Variants in MBNL2 observed in about 807,000 individuals in gnomAD.
MBNL2 encodes the protein muscleblind like splicing regulator 2, also known as muscleblind-like protein 2.
In MBNL2, 17 loss-of-function variants were observed where a neutral mutation model predicts 41.9. That is an observed-to-expected ratio of 0.41 (90% CI 0.28 to 0.61). MBNL2 has a LOEUF of 0.61. MBNL2 is among the 20% of genes least tolerant of loss of function. The probability of loss-of-function intolerance (pLI) is 0.35; values close to 1 mark genes in which losing one functional copy is unlikely to be tolerated. For missense variants in MBNL2, 336 were observed against 505.6 expected (o/e 0.66, Z 3.22); for synonymous variants, 195 against 182.9 (o/e 1.07, Z -0.53).
chr13:97,301,254 G>A (rs901587194), intron 2 of MBNL2, among the ~76,000 whole-genome samples: 1 of 152,156 alleles, frequency 6.6e-6, no homozygotes, highest in African/African-American at 2.4e-5. Context: ...CATTTTGCCT[G>A]CGTTACTCCA....
intron 3 of MBNL2, among the ~76,000 whole-genome samples, chr13:97,338,187 C>T (rs1025775879): frequency 6.6e-6 from 1 of 152,154 alleles, no homozygotes; most frequent in Non-Finnish European, 1.5e-5. Flanking sequence ...CTGGTCACGA[C>T]CCTGCCTACA....
chr13:97,293,897 A>G (rs867219013), intron 2 of MBNL2, among the ~76,000 whole-genome samples: 3 of 152,028 alleles, frequency 2.0e-5, no homozygotes, highest in Non-Finnish European at 2.9e-5. Context: ...TGGTGCACCC[A>G]TCACCCGAGC....
chr13:97,185,413 C>T, the MBNL2 span, among the ~76,000 whole-genome samples: 1 of 152,198 alleles, frequency 6.6e-6, no homozygotes, highest in Non-Finnish European at 1.5e-5. Context: ...CATCCCAATT[C>T]CTGGAACCTG....
At chr13:97,219,134 T>G (rs2040654613), upstream of MBNL2, among the ~76,000 whole-genome samples, 2 of 152,160 alleles carry the variant, frequency 1.3e-5, no homozygotes, top group Admixed American at 6.5e-5. Context: ...ACCCAAGAAC[T>G]ATGGAGATGG....
chr13:97,319,884 A>T (rs973665079), intron 2 of MBNL2, among the ~76,000 whole-genome samples: 7 of 152,200 alleles, frequency 4.6e-5, no homozygotes. Flanking sequence ...GATGGCATTT[A>T]AGCTGACTAG....
chr13:97,339,276 G>T (rs1442199928), intron 3 of MBNL2, among the ~76,000 whole-genome samples: 1 of 152,214 alleles, frequency 6.6e-6, no homozygotes, highest in African/African-American at 2.4e-5. Flanking sequence ...TTGTGTGTGT[G>T]AGTGTGTGTG....
At chr13:97,271,216 A>T (rs1457073311) in intron 1 of MBNL2, among the ~76,000 whole-genome samples, 5 of 151,074 alleles carry the variant, frequency 3.3e-5, no homozygotes, top group African/African-American at 1.2e-4. Context: ...CCTAGGTTCA[A>T]GCAATTCTCA....
chr13:97,251,127 G>T (rs188297044), intron 1 of MBNL2, among the ~76,000 whole-genome samples: 16 of 150,994 alleles, frequency 1.1e-4, no homozygotes, highest in Non-Finnish European at 2.1e-4. Context: ...AAGGCATGTG[G>T]CTGAGGGAAT....
the MBNL2 span, among the ~76,000 whole-genome samples, chr13:97,153,527 C>T: frequency 6.6e-6 from 1 of 152,012 alleles, no homozygotes; most frequent in African/African-American, 2.4e-5. Context: ...AAATGAACCT[C>T]GTAGAACAAT....
chr13:97,158,460 C>G, the MBNL2 span, among the ~76,000 whole-genome samples: 1 of 151,994 alleles, frequency 6.6e-6, no homozygotes, highest in Non-Finnish European at 1.5e-5. Flanking sequence ...TTTGCTCTTG[C>G]TTTTGTAGTT....
At chr13:97,197,952 C>T in the MBNL2 span, among the ~76,000 whole-genome samples, 1 of 152,104 alleles carries the variant, frequency 6.6e-6, no homozygotes, top group African/African-American at 2.4e-5. Context: ...AGACTCTTGC[C>T]AGATCTTTCT....
chr13:97,364,557 A>G (rs1230878483), intron 7 of MBNL2, among the ~76,000 whole-genome samples: 1 of 152,206 alleles, frequency 6.6e-6, no homozygotes, highest in Non-Finnish European at 1.5e-5. Context: ...TGATTTGGAG[A>G]ATATCTTAAA....
chr13:97,162,298 A>G, the MBNL2 span, among the ~76,000 whole-genome samples: 1 of 152,114 alleles, frequency 6.6e-6, no homozygotes, highest in Non-Finnish European at 1.5e-5. Context: ...TCCAACTAAG[A>G]TCTACATCAA....
intron 1 of MBNL2, among the ~76,000 whole-genome samples, chr13:97,254,993 G>T (rs987761186): frequency 6.6e-6 from 1 of 152,140 alleles, no homozygotes; most frequent in African/African-American, 2.4e-5. Flanking sequence ...CTCCAACAAG[G>T]GTGAGTGATT....
the MBNL2 span, among the ~76,000 whole-genome samples, chr13:97,164,891 A>G: frequency 6.6e-6 from 1 of 152,188 alleles, no homozygotes; most frequent in Admixed American, 6.5e-5. Context: ...AGCAGTTCTC[A>G]TTAAGTTTCC....
chr13:97,332,953 A>G (rs560501060), intron 2 of MBNL2, among the ~76,000 whole-genome samples: 2 of 152,328 alleles, frequency 1.3e-5, no homozygotes, highest in South Asian at 2.1e-4. Flanking sequence ...GACTGAACAC[A>G]GGGCCCATGT....
Position 97,347,003 on chromosome 13 carries a change from C to G in MBNL2, c.740C>G (p.Ala247Gly). 6.2e-7 allele frequency: 1 copy of G among 1,613,502 alleles called. No homozygotes were observed. The highest frequency in any genetic ancestry group is 8.5e-7 in the Non-Finnish European group (1 of 1,179,586). Reference sequence around the variant, plus strand: ...CACTTGCAGGCCAAAATCAAAGCTGCGCAGCACCAAGCCAACCAAGCTGCG... The same window carrying G: ...CACTTGCAGGCCAAAATCAAAGCTGGGCAGCACCAAGCCAACCAAGCTGCG... ...PAHLQAKIKAAQHQANQAAVA... is the reference protein window; with the variant it reads ...PAHLQAKIKAGQHQANQAAVA... Residue 247 changes from alanine (A) to glycine (G), a missense_variant, in exon 5 of 9, where the codon GCG becomes GGG. Coordinates refer to ENST00000679496, the MANE Select transcript of MBNL2 (RefSeq NM_001382683.1).
chr13:97,254,629 C>T (rs1218852844), intron 1 of MBNL2, among the ~76,000 whole-genome samples: 2 of 152,024 alleles, frequency 1.3e-5, no homozygotes, highest in African/African-American at 4.8e-5. Flanking sequence ...CTCCACTGTT[C>T]CCCCCGCCTC....
At chr13:97,148,408 AC>A in the MBNL2 span, among the ~76,000 whole-genome samples, 1 of 152,118 alleles carries the variant, frequency 6.6e-6, no homozygotes, top group Non-Finnish European at 1.5e-5. Flanking sequence ...ATTTGTCCAA[AC>A]CCACAGAATA....
Sources: gnomAD v4.1 joint callset for allele counts (sites outside exome capture counted in the v4.1 genomes callset) on GRCh38, gnomAD v4.1.1 for gene constraint, MANE v1.5 for transcripts, NCBI Gene and HGNC (gene_info 2026-07-23, HGNC 2026-07-21) for gene names.